PTGER3: variants seen among roughly 807,000 people sequenced by gnomAD.
PTGER3 encodes prostaglandin E receptor 3.
A neutral mutation model predicts 34.7 loss-of-function variants in PTGER3; 22 were observed. The observed-to-expected ratio is 0.63, with a 90% confidence interval of 0.45 to 0.91. The LOEUF (loss-of-function observed/expected upper bound fraction) is 0.91. Among genes scored for constraint, PTGER3 ranks in the 40% least tolerant of loss-of-function variants. The pLI, the probability that PTGER3 is intolerant of heterozygous loss-of-function variation, is 0.00. For synonymous variants in PTGER3, 241 were observed against 230.1 expected (o/e 1.05, Z -0.43); for missense variants, 468 against 519.4 (o/e 0.90, Z 0.96).
intron 3 of PTGER3, chr1:70,953,670 ATTT>A (rs1651004277): frequency 1.3e-6 from 2 of 1,510,214 alleles, no homozygotes; most frequent in Non-Finnish European, 1.8e-6. Flanking sequence ...CGAACTTTCA[ATTT>A]AAGGAAATAT....
At chr1:70,981,392 T>TTCCTTCCTTCC (rs1654339494) in intron 2 of PTGER3, among the ~76,000 whole-genome samples, 1 of 40,418 alleles carries the variant, frequency 2.5e-5, no homozygotes. Context: ...TCTTTCTTTC[T>TTCCTTCCTTCC]TTCCTTCCTT....
At chr1:71,024,963 G>C (rs997644904) in intron 1 of PTGER3, among the ~76,000 whole-genome samples, 1 of 151,526 alleles carries the variant, frequency 6.6e-6, no homozygotes, top group Non-Finnish European at 1.5e-5. Flanking sequence ...ACAACGTGCA[G>C]GTTTGTTACG....
intron 4 of PTGER3, among the ~76,000 whole-genome samples, chr1:70,928,866 G>GAC (rs770159074): frequency 2.1e-5 from 2 of 95,150 alleles, no homozygotes; most frequent in Non-Finnish European, 4.3e-5. Flanking sequence ...GGAATTTACA[G>GAC]ATACACACAC....
chr1:71,031,700 G>GCCAGA lies in PTGER3; in HGVS notation c.897+14980_897+14981insTCTGG, dbSNP rs536934371. ...ATCAAGAACATCCTGGGTCTTGCCT[G>GCCAGA]TTTTCCAAACCTGACCTGCCAGATT... is the stretch of plus-strand genomic sequence containing the variant. On this transcript the variant is annotated intron_variant, in intron 1 of 3. Coordinates refer to ENST00000306666, the MANE Select transcript of PTGER3 (RefSeq NM_198719.2). Among the ~76,000 whole-genome samples, 27 of 152,308 alleles carry GCCAGA rather than the reference G, an allele frequency of 1.8e-4. 1 individual carries two copies. In the East Asian group the frequency reaches 2.7e-3, roughly 15 times the overall value.
In PTGER3 at chr1:71,047,688, G is replaced by T. The variant is rs1292399740; in HGVS notation, c.-111C>A. 3 of 1,287,220 alleles carry T rather than the reference G, an allele frequency of 2.3e-6. No homozygotes were observed. The highest frequency in any genetic ancestry group is 1.6e-5 in the African/African-American group (1 of 64,118). The allele number at this position is 1,287,220 out of a possible 1,614,324, so 79.7% of individuals were successfully genotyped here. A position where few individuals can be genotyped will look rare whatever the true frequency, so the allele number is the denominator to read the frequency against. On this transcript the variant is annotated 5_prime_UTR_variant, in exon 1 of 4. Transcript: ENST00000306666. ...CGTTTACCGCGGCTGGGGCTGGGCT[G>T]CCCCCCATGGTGCGGGGCGCAGCCG...
rs558488992 is a variant in PTGER3, at chr1:70,972,256, G to A, written c.1170-523C>T. Among the ~76,000 whole-genome samples, 17 of 152,202 alleles carry A rather than the reference G, an allele frequency of 1.1e-4. No individual in the cohort carries two copies. The South Asian group carries it at 3.5e-3, about 32-fold the overall frequency. On this transcript the variant is annotated intron_variant, in intron 3 of 3. Coordinates refer to ENST00000306666, the MANE Select transcript of PTGER3 (RefSeq NM_198719.2). ...GAGAATCGCTTGAATCTGGGAGGTG[G>A]AGGTTGCAGTGAGCCGAGATCATGC...
intron 2 of PTGER3, chr1:71,008,815 T>TA: frequency 2.1e-6 from 2 of 953,920 alleles, no homozygotes; most frequent in Non-Finnish European, 2.5e-6. Flanking sequence ...GTTATACAGA[T>TA]AAAAAATAGA....
chr1:70,903,683 T>G (rs17482481), intron 4 of PTGER3, among the ~76,000 whole-genome samples: 45,129 of 151,874 alleles, frequency 0.3, 6,973 homozygotes, highest in South Asian at 0.45. Flanking sequence ...CATCCAAGAG[T>G]CTTTTGCAGG....
At chr1:70,976,526 T>C (rs952649018) in intron 2 of PTGER3, among the ~76,000 whole-genome samples, 3 of 152,138 alleles carry the variant, frequency 2.0e-5, no homozygotes, top group African/African-American at 7.2e-5. Context: ...AAAATTGCTG[T>C]ATATTGGGGA....
At chr1:70,986,695 C>T (rs1654948857) in intron 2 of PTGER3, among the ~76,000 whole-genome samples, 1 of 152,180 alleles carries the variant, frequency 6.6e-6, no homozygotes, top group Non-Finnish European at 1.5e-5. Context: ...TTTTGACAAG[C>T]TGCCTCCCTT....
chr1:70,930,556 G>A (rs1353270998), intron 4 of PTGER3, among the ~76,000 whole-genome samples: 1 of 152,096 alleles, frequency 6.6e-6, no homozygotes, highest in Non-Finnish European at 1.5e-5. Context: ...AAGAAAAAGA[G>A]GTTTAATTGG....
intron 3 of PTGER3, among the ~76,000 whole-genome samples, chr1:70,972,808 A>G (rs1225185239): frequency 6.6e-6 from 1 of 152,106 alleles, no homozygotes; most frequent in African/African-American, 2.4e-5. Context: ...GTAAAACAAA[A>G]TTAAAAAACT....
At chr1:70,881,702 C>T (rs1310823291) in intron 4 of PTGER3, among the ~76,000 whole-genome samples, 1 of 152,134 alleles carries the variant, frequency 6.6e-6, no homozygotes, top group Non-Finnish European at 1.5e-5. Context: ...GAGGAGACCC[C>T]TCCAATTACT....
At chr1:70,890,154 A>G (rs1572562992) in intron 4 of PTGER3, among the ~76,000 whole-genome samples, 1 of 152,174 alleles carries the variant, frequency 6.6e-6, no homozygotes, top group Non-Finnish European at 1.5e-5. Flanking sequence ...GGAAGCATAG[A>G]CCCTCCACTC....
intron 4 of PTGER3, among the ~76,000 whole-genome samples, chr1:70,945,829 G>T (rs1001370197): frequency 1.3e-4 from 19 of 151,970 alleles, no homozygotes; most frequent in African/African-American, 4.6e-4. Flanking sequence ...ACTCAATAGG[G>T]TTCTTCATAC....
intron 4 of PTGER3, among the ~76,000 whole-genome samples, chr1:70,855,045 C>T (rs1490467459): frequency 6.6e-6 from 1 of 152,126 alleles, no homozygotes. Flanking sequence ...CAGCATTATT[C>T]TCAATACCAA....
chr1:70,989,246 G>C (rs1430435471), intron 2 of PTGER3, among the ~76,000 whole-genome samples: 1 of 152,128 alleles, frequency 6.6e-6, no homozygotes, highest in Non-Finnish European at 1.5e-5. Flanking sequence ...ATAAAGCTTG[G>C]TTATAAGGAT....
At position 70,862,418 on chromosome 1, in the gene PTGER3, G is replaced by T. The variant is rs530336980; in HGVS notation, c.*24-9559C>A. ...TTCTCCTATTATGTGATAGGCAATA[G>T]AAATATTGTGCTGAAAAAGTCCTGC... On this transcript the variant is annotated intron_variant, in intron 4 of 4. Transcript: ENST00000370931. 82 of 1,327,470 alleles carry T rather than the reference G, an allele frequency of 6.2e-5. No homozygotes were observed. The South Asian group carries it at 8.8e-4, about 14-fold the overall frequency. 82.2% of individuals were successfully genotyped at this position (1,327,470 alleles called of 1,614,324 possible). A position where few individuals can be genotyped will look rare whatever the true frequency, so the allele number is the denominator to read the frequency against.
intron 4 of PTGER3, among the ~76,000 whole-genome samples, chr1:70,905,726 A>T (rs966931803): frequency 2.6e-5 from 4 of 151,880 alleles, no homozygotes; most frequent in Non-Finnish European, 1.5e-5. Context: ...GCCTCATAGG[A>T]TCATTATCTC....
Sources: allele counts gnomAD v4.1 joint callset (sites outside exome capture counted in the v4.1 genomes callset), GRCh38; gene constraint gnomAD v4.1.1; transcripts MANE v1.5; gene names NCBI Gene and HGNC (gene_info 2026-07-23, HGNC 2026-07-21).